SLC8A1: variants seen among roughly 807,000 people sequenced by gnomAD.
SLC8A1 encodes solute carrier family 8 member A1, also known as sodium/calcium exchanger 1.
Under a neutral mutation model 68.3 loss-of-function variants are expected in SLC8A1, and 18 were observed. That is an observed-to-expected ratio of 0.26 (90% CI 0.18 to 0.39). The LOEUF (loss-of-function observed/expected upper bound fraction) is 0.39, where lower values mean the gene tolerates loss of function less well. SLC8A1 is among the 10% of genes least tolerant of loss of function. SLC8A1 has a pLI of 1.00. For missense variants in SLC8A1, 985 were observed against 1,156.7 expected, an observed-to-expected ratio of 0.85 and a Z score of 2.15; for synonymous variants, 475 against 415.5, an observed-to-expected ratio of 1.14 and a Z score of -1.74.
intron 3 of SLC8A1, chr2:40,175,859 GGAT>G (rs1293939445): frequency 3.0e-6 from 1 of 333,180 alleles, no homozygotes; most frequent in African/African-American, 2.2e-5. Flanking sequence ...TGTTCTATTT[GGAT>G]GATATTTTGT....
At chr2:40,315,682 T>A (rs1189524286) in intron 2 of SLC8A1, among the ~76,000 whole-genome samples, 1 of 152,028 alleles carries the variant, frequency 6.6e-6, no homozygotes, top group African/African-American at 2.4e-5. Flanking sequence ...TTGTCTGAAA[T>A]CAAACCTTCA....
At chr2:40,510,201 T>C (rs1706630472) in intron 1 of SLC8A1, among the ~76,000 whole-genome samples, 1 of 152,192 alleles carries the variant, frequency 6.6e-6, no homozygotes, top group African/African-American at 2.4e-5. Context: ...AAAATATGAT[T>C]TCTTTAAGAT....
chr2:40,217,163 G>A (rs1282770779), intron 2 of SLC8A1, among the ~76,000 whole-genome samples: 1 of 152,110 alleles, frequency 6.6e-6, no homozygotes, highest in Non-Finnish European at 1.5e-5. Flanking sequence ...GTTGATTTTT[G>A]TATAAGGTGT....
rs532092267 is a variant in SLC8A1, at chr2:40,256,398, A to G, written c.1809-78543T>C. 5.9e-5 allele frequency among the ~76,000 whole-genome samples: 9 copies of G among 152,352 alleles called. No homozygotes were observed. In the South Asian group the frequency reaches 1.2e-3, roughly 21 times the overall value. On this transcript the variant is annotated intron_variant, in intron 2 of 7. Coordinates refer to ENST00000406785, the Ensembl canonical transcript of SLC8A1. ...ATGAATTCAAGAATGTATGATCATTATGATGTATACATATACACATATATG... is the reference window on the plus strand; with the variant it reads ...ATGAATTCAAGAATGTATGATCATTGTGATGTATACATATACACATATATG...
Position 40,363,091 on chromosome 2 carries a change from T to A in SLC8A1, c.1808+65382A>T, listed in dbSNP as rs565516930. Reference sequence around the variant, plus strand: ...ATTCAGGACTACAGCTTACAACTCTTTTGTATCAAATTTGTACATCTGATC... The same window carrying A: ...ATTCAGGACTACAGCTTACAACTCTATTGTATCAAATTTGTACATCTGATC... On this transcript the variant is annotated intron_variant, in intron 2 of 7. Coordinates refer to ENST00000406785, the Ensembl canonical transcript of SLC8A1. Among the ~76,000 whole-genome samples, 9 of 152,254 alleles carry A rather than the reference T, an allele frequency of 5.9e-5. No homozygotes were observed. In the South Asian group the frequency reaches 1.7e-3, roughly 28 times the overall value.
At chr2:40,431,482 A>G (rs1011972056) in intron 1 of SLC8A1, among the ~76,000 whole-genome samples, 3 of 151,898 alleles carry the variant, frequency 2.0e-5, no homozygotes, top group East Asian at 1.9e-4. Context: ...GGACTCAACC[A>G]CCATGGCCTT....
At chr2:40,262,828 A>G (rs576989820) in intron 2 of SLC8A1, among the ~76,000 whole-genome samples, 17 of 152,182 alleles carry the variant, frequency 1.1e-4, no homozygotes, top group Non-Finnish European at 2.4e-4. Context: ...GAGAGTTGCT[A>G]AAATTTGGAT....
chr2:40,154,596 G>A (rs888949229), intron 6 of SLC8A1, among the ~76,000 whole-genome samples: 3 of 150,904 alleles, frequency 2.0e-5, no homozygotes, highest in African/African-American at 7.3e-5. Flanking sequence ...CAAAGTATTG[G>A]GATTACAGGT....
chr2:40,149,912 A>G (rs893685029), intron 6 of SLC8A1, among the ~76,000 whole-genome samples: 1 of 152,094 alleles, frequency 6.6e-6, no homozygotes, highest in African/African-American at 2.4e-5. Context: ...GGAGTATCTG[A>G]TGGTTAAGGC....
At chr2:40,369,886 A>AC (rs1575768131) in intron 2 of SLC8A1, among the ~76,000 whole-genome samples, 1 of 14,274 alleles carries the variant, frequency 7.0e-5, no homozygotes, top group Non-Finnish European at 1.3e-4. Flanking sequence ...CCAAAAAAAT[A>AC]AAAAAACTGC....
At chr2:40,159,605 T>A (rs2045294169) in intron 6 of SLC8A1, among the ~76,000 whole-genome samples, 1 of 152,178 alleles carries the variant, frequency 6.6e-6, no homozygotes, top group South Asian at 2.1e-4. Context: ...GCCTCATATA[T>A]TAAGCTTAGA....
intron 2 of SLC8A1, among the ~76,000 whole-genome samples, chr2:40,228,416 T>C (rs1015522256): frequency 2.6e-5 from 4 of 152,218 alleles, no homozygotes; most frequent in Non-Finnish European, 4.4e-5. Flanking sequence ...GCTGTCTACA[T>C]TGGCATGACA....
chr2:40,325,935 A>G (rs1280323100), intron 2 of SLC8A1, among the ~76,000 whole-genome samples: 1 of 152,140 alleles, frequency 6.6e-6, no homozygotes, highest in Non-Finnish European at 1.5e-5. Context: ...ATTAATGTAC[A>G]CATGAGAGTT....
chr2:40,153,916 C>G (rs561542598), intron 6 of SLC8A1, among the ~76,000 whole-genome samples: 43 of 152,330 alleles, frequency 2.8e-4, no homozygotes, highest in Non-Finnish European at 5.4e-4. Flanking sequence ...CTTACCTTCC[C>G]CATGTGTAAC....
chr2:40,221,741 G>A (rs1055656325), intron 2 of SLC8A1, among the ~76,000 whole-genome samples: 1 of 152,178 alleles, frequency 6.6e-6, no homozygotes, highest in African/African-American at 2.4e-5. Context: ...TAGACAATCA[G>A]AGAGCCAAAT....
chr2:40,411,603 C>A (rs1364663763), intron 2 of SLC8A1, among the ~76,000 whole-genome samples: 2 of 151,528 alleles, frequency 1.3e-5, no homozygotes, highest in Non-Finnish European at 3.0e-5. Context: ...CCTGAAAAAA[C>A]AAAAACAATG....
At chr2:40,111,601 C>T (rs1175302386) in exon 8 of SLC8A1, 2 of 152,018 alleles carry the variant, frequency 1.3e-5, no homozygotes, top group African/African-American at 4.8e-5. Flanking sequence ...GTACACAAAC[C>T]TTAGAGGTCA....
intron 2 of SLC8A1, chr2:40,255,065 CAGA>C (rs1193043046): frequency 6.6e-6 from 1 of 152,012 alleles, no homozygotes; most frequent in East Asian, 1.9e-4. Context: ...CCTTAAATGA[CAGA>C]CCTTTTCTTA....
At chr2:40,459,517 C>T (rs1703220553) in intron 1 of SLC8A1, among the ~76,000 whole-genome samples, 3 of 152,142 alleles carry the variant, frequency 2.0e-5, no homozygotes, top group Admixed American at 2.0e-4. Context: ...GGAGCATATT[C>T]ATATTAAATA....
Sources: gnomAD v4.1 joint callset for allele counts (sites outside exome capture counted in the v4.1 genomes callset) on GRCh38, gnomAD v4.1.1 for gene constraint, MANE v1.5 for transcripts, NCBI Gene and HGNC (gene_info 2026-07-23, HGNC 2026-07-21) for gene names.